DLG2: variants seen among roughly 807,000 people sequenced by gnomAD.
DLG2 encodes disks large homolog 2.
A neutral mutation model predicts 132.5 loss-of-function variants in DLG2; 45 were observed. That is an observed-to-expected ratio of 0.34 (90% confidence interval 0.27 to 0.44). The LOEUF (loss-of-function observed/expected upper bound fraction) is 0.44. Among genes scored for constraint, DLG2 ranks in the 20% least tolerant of loss-of-function variants. The pLI, the probability that DLG2 is intolerant of heterozygous loss-of-function variation, is 1.00. For synonymous variants in DLG2, 424 were observed against 419.6 expected, an observed-to-expected ratio of 1.01 and a Z score of -0.13; for missense variants, 1,045 against 1,196.9, an observed-to-expected ratio of 0.87 and a Z score of 1.87.
chr11:83,682,141 C>T, intron 18 of DLG2: 1 of 985,358 alleles, frequency 1.0e-6, no homozygotes, highest in Non-Finnish European at 1.2e-6. Context: ...CGATTAGCTG[C>T]AAAGCCAGGA....
chr11:84,796,437 T>C (rs1159312887), intron 6 of DLG2, among the ~76,000 whole-genome samples: 1 of 152,228 alleles, frequency 6.6e-6, no homozygotes, highest in Non-Finnish European at 1.5e-5. Flanking sequence ...CATGCCACAG[T>C]TGCAGTGTTA....
intron 4 of DLG2, among the ~76,000 whole-genome samples, chr11:85,201,556 C>T (rs2081461473): frequency 6.6e-6 from 1 of 152,178 alleles, no homozygotes; most frequent in Non-Finnish European, 1.5e-5. Context: ...ACTGGGGTAG[C>T]TGTAGTGGTC....
chr11:85,191,875 T>C (rs553615120), intron 4 of DLG2, among the ~76,000 whole-genome samples: 27 of 152,312 alleles, frequency 1.8e-4, no homozygotes, highest in Admixed American at 7.8e-4. Flanking sequence ...GTTTGAGAGA[T>C]GGCTATTATT....
At chr11:84,781,515 TGATAATAAAATAATAATATAATAATAA>T (rs2071771937) in intron 6 of DLG2, among the ~76,000 whole-genome samples, 1 of 151,772 alleles carries the variant, frequency 6.6e-6, no homozygotes, top group Non-Finnish European at 1.5e-5. Context: ...ACCTAATACA[TGATAATAAAATAATAATATAATAATAA>T]TAATAGAAAT....
rs534170686 is a variant in DLG2, at chr11:83,623,388, C to A, written c.1940+9823G>T. On this transcript the variant is annotated intron_variant, in intron 19 of 27. Coordinates refer to ENST00000376104, the MANE Select transcript of DLG2 (RefSeq NM_001142699.3). The stretch of plus-strand genomic sequence containing the variant: ...AATATTAAATACAGTTAAACTCTCT[C>A]CAATTTGGTGACATCTGTAATCCAT... Among the ~76,000 whole-genome samples the A allele has an allele frequency of 2.0e-5, 3 of 152,334 alleles. No individual in the cohort carries two copies. The East Asian group carries it at 5.8e-4, about 29-fold the overall frequency.
intron 9 of DLG2, among the ~76,000 whole-genome samples, chr11:84,134,828 A>G (rs2094544749): frequency 6.6e-6 from 1 of 151,888 alleles, no homozygotes; most frequent in African/African-American, 2.4e-5. Flanking sequence ...AACACCTGCT[A>G]ATTCCACCCT....
chr11:85,058,919 A>G (rs543051663), intron 6 of DLG2, among the ~76,000 whole-genome samples: 1 of 151,576 alleles, frequency 6.6e-6, no homozygotes, highest in East Asian at 1.9e-4. Flanking sequence ...AACATAAAAA[A>G]TATTTTAACA....
chr11:84,009,296 A>C (rs756105428), intron 11 of DLG2, among the ~76,000 whole-genome samples: 2 of 151,996 alleles, frequency 1.3e-5, no homozygotes, highest in Non-Finnish European at 2.9e-5. Flanking sequence ...AAAACAAACA[A>C]ACACCACCTT....
intron 16 of DLG2, among the ~76,000 whole-genome samples, chr11:83,840,199 A>G (rs1460184930): frequency 6.6e-6 from 1 of 152,210 alleles, no homozygotes; most frequent in Non-Finnish European, 1.5e-5. Flanking sequence ...TGTGTCTTCC[A>G]CACATGCATC....
At chr11:84,859,457 C>CAT (rs1052128654) in intron 6 of DLG2, among the ~76,000 whole-genome samples, 65 of 141,088 alleles carry the variant, frequency 4.6e-4, no homozygotes, top group Non-Finnish European at 7.3e-4. Context: ...TACATATATA[C>CAT]ATATATATAT....
chr11:85,245,578 T>C (rs2076093081), intron 4 of DLG2, among the ~76,000 whole-genome samples: 1 of 152,018 alleles, frequency 6.6e-6, no homozygotes. Flanking sequence ...GCTTTTACTA[T>C]TGGCTCCTGT....
At position 85,545,521 on chromosome 11, in the gene DLG2, T is replaced by C. The variant is rs75705860; in HGVS notation, c.40+53136A>G. On this transcript the variant is annotated intron_variant, in intron 3 of 27. Coordinates refer to ENST00000376104, the MANE Select transcript of DLG2 (RefSeq NM_001142699.3). ...GCCTCATGAAGTGAGTTAGGGTGGA[T>C]TCCCTCTTTTTCTATTGTTTGGAAT... Among the ~76,000 whole-genome samples the C allele has an allele frequency of 9.2e-3, 1,396 of 152,290 alleles. 19 individuals are homozygous for C. Among genetic ancestry groups the C allele is most frequent in the African/African-American group, 0.03 (1,246 of 41,550 alleles).
intron 6 of DLG2, among the ~76,000 whole-genome samples, chr11:84,784,370 T>A (rs545748014): frequency 0.012 from 1,589 of 134,824 alleles, 14 homozygotes; most frequent in Middle Eastern, 0.027. Flanking sequence ...ATAAATAAAT[T>A]AAACAAGAGT....
chr11:83,742,210 A>AACACACACACACACAC (rs67195725), intron 18 of DLG2, among the ~76,000 whole-genome samples: 41 of 147,108 alleles, frequency 2.8e-4, no homozygotes, highest in African/African-American at 8.3e-4. Context: ...CCACACTTTT[A>AACACACACACACACAC]ACACACACAC....
chr11:83,950,469 C>G (rs1308142645), intron 14 of DLG2, among the ~76,000 whole-genome samples: 1 of 152,134 alleles, frequency 6.6e-6, no homozygotes, highest in African/African-American at 2.4e-5. Flanking sequence ...TGGTGCATGC[C>G]TGTAATCCTA....
At chr11:83,519,625 C>T (rs897182762) in intron 21 of DLG2, among the ~76,000 whole-genome samples, 1 of 152,178 alleles carries the variant, frequency 6.6e-6, no homozygotes, top group Non-Finnish European at 1.5e-5. Flanking sequence ...TTAGCAAAAA[C>T]ACCTGGCTTA....
intron 6 of DLG2, among the ~76,000 whole-genome samples, chr11:85,043,899 C>A (rs886817381): frequency 6.6e-6 from 1 of 151,820 alleles, no homozygotes; most frequent in African/African-American, 2.4e-5. Context: ...TGTCATAAAC[C>A]AATTTTATAT....
At chr11:85,604,202 A>C (rs2080359807) in intron 2 of DLG2, among the ~76,000 whole-genome samples, 1 of 152,230 alleles carries the variant, frequency 6.6e-6, no homozygotes, top group South Asian at 2.1e-4. Context: ...ATATTTTTAA[A>C]AGGTCGTATA....
intron 3 of DLG2, among the ~76,000 whole-genome samples, chr11:85,536,941 G>A (rs1261173759): frequency 1.3e-5 from 2 of 152,210 alleles, no homozygotes; most frequent in Non-Finnish European, 2.9e-5. Flanking sequence ...GAAGCTGATT[G>A]GGCTTCTGGG....
Sources: gnomAD v4.1 joint callset for allele counts (sites outside exome capture counted in the v4.1 genomes callset) on GRCh38, gnomAD v4.1.1 for gene constraint, MANE v1.5 for transcripts, NCBI Gene and HGNC (gene_info 2026-07-23, HGNC 2026-07-21) for gene names.